Variants in DNER observed in about 807,000 individuals in gnomAD.
The protein encoded by DNER is delta/notch like EGF repeat containing.
Under a neutral mutation model 78.2 loss-of-function variants are expected in DNER, and 33 were observed. The ratio of observed to expected loss-of-function variants is 0.42; its 90% confidence interval spans 0.32 to 0.56. The LOEUF (loss-of-function observed/expected upper bound fraction) is 0.56, where lower values mean the gene tolerates loss of function less well. Ranked by LOEUF, DNER falls within the 20% of genes least tolerant of loss-of-function variation. The pLI, the probability that DNER is intolerant of heterozygous loss-of-function variation, is 0.11. For synonymous variants in DNER, 417 were observed against 384.8 expected (o/e 1.08, Z -0.98); for missense variants, 918 against 975.3 (o/e 0.94, Z 0.78).
rs1694102077 is a variant in DNER at position 229,435,414 on chromosome 2, C to CA, written c.1486+11901dup. 3.9e-5 allele frequency among the ~76,000 whole-genome samples: 6 copies of CA among 152,306 alleles called. No homozygotes were observed. The South Asian group carries it at 1.2e-3, about 32-fold the overall frequency. ...TGCCCAAATTATCAACCCACAGAAT[C>CA]ACAAACAATAAGTGGTTTTCTTAAG... On this transcript the variant is annotated intron_variant, in intron 8 of 12. Coordinates refer to ENST00000341772, the MANE Select transcript of DNER (RefSeq NM_139072.4).
intron 7 of DNER, among the ~76,000 whole-genome samples, chr2:229,470,565 T>G (rs1418533487): frequency 1.3e-5 from 2 of 151,944 alleles, no homozygotes; most frequent in Non-Finnish European, 2.9e-5. Context: ...AAAATAAAAT[T>G]TTGGAAGGGC....
chr2:229,426,789 A>G (rs971263896), intron 8 of DNER, among the ~76,000 whole-genome samples: 17 of 152,190 alleles, frequency 1.1e-4, no homozygotes, highest in Non-Finnish European at 2.2e-4. Flanking sequence ...TCTCGTTTAA[A>G]CGAACCTGCT....
At chr2:229,639,773 C>A (rs1698585663) in intron 1 of DNER, among the ~76,000 whole-genome samples, 1 of 152,074 alleles carries the variant, frequency 6.6e-6, no homozygotes, top group Non-Finnish European at 1.5e-5. Context: ...AGGACTGGGC[C>A]AGGAAGTCAA....
intron 1 of DNER, among the ~76,000 whole-genome samples, chr2:229,630,193 G>A (rs1276544267): frequency 1.3e-5 from 2 of 152,076 alleles, no homozygotes; most frequent in Non-Finnish European, 2.9e-5. Context: ...AAAACCTTCT[G>A]GGCCAGGAAT....
chr2:229,475,153 C>T (rs149770133), intron 7 of DNER, among the ~76,000 whole-genome samples: 24 of 152,340 alleles, frequency 1.6e-4, no homozygotes, highest in African/African-American at 5.5e-4. Flanking sequence ...AGGACATAGA[C>T]ACAATCATCA....
intron 8 of DNER, among the ~76,000 whole-genome samples, chr2:229,425,625 C>A (rs780850387): frequency 2.4e-4 from 36 of 152,178 alleles, no homozygotes; most frequent in Non-Finnish European, 4.3e-4. Context: ...AATCCAGGAC[C>A]CACCGGCTCT....
intron 6 of DNER, among the ~76,000 whole-genome samples, chr2:229,507,047 G>A (rs1466357620): frequency 1.3e-5 from 2 of 152,146 alleles, no homozygotes; most frequent in East Asian, 3.9e-4. Context: ...TGTACAGCAT[G>A]TTATTGTACT....
At chr2:229,533,601 C>A (rs1574889178) in intron 5 of DNER, among the ~76,000 whole-genome samples, 1 of 152,172 alleles carries the variant, frequency 6.6e-6, no homozygotes, top group Non-Finnish European at 1.5e-5. Context: ...GCGTACCAGG[C>A]CCTTCTGCTC....
chr2:229,450,118 G>A (rs751137759), intron 7 of DNER, among the ~76,000 whole-genome samples: 9 of 152,266 alleles, frequency 5.9e-5, no homozygotes, highest in Non-Finnish European at 1.2e-4. Context: ...GATTATTTTT[G>A]TTCCTCCAGA....
At chr2:229,511,642 TA>T (rs1257101659) in intron 6 of DNER, among the ~76,000 whole-genome samples, 16 of 152,282 alleles carry the variant, frequency 1.1e-4, no homozygotes, top group African/African-American at 3.4e-4. Context: ...ACAAGAAGAT[TA>T]GGTGGCTTTT....
In DNER at chr2:229,447,488, C is replaced by T. The variant is rs757911855; in HGVS notation, c.1314G>A (p.Pro438=). The T allele has an allele frequency of 1.4e-5, 22 of 1,614,006 alleles. No homozygotes were observed. The highest frequency in any genetic ancestry group is 2.7e-5 in the African/African-American group (2 of 74,916). ...EEKVDPCASS[P]CQNNGTCYVD... ...CATAGCAGGTGCCGTTGTTCTGGCA[C>T]GGAGACGAGGCGCAGGGGTCCACCT... The change falls in exon 8 of 13, where the codon CCG becomes CCA. Residue 438 remains proline (P), a synonymous_variant. Transcript: ENST00000341772.
At chr2:229,376,706 A>T (rs769023217) in intron 11 of DNER, among the ~76,000 whole-genome samples, 3 of 152,100 alleles carry the variant, frequency 2.0e-5, no homozygotes, top group Non-Finnish European at 4.4e-5. Context: ...TGTGTATAAA[A>T]CTCTCATTTG....
chr2:229,606,138 A>G (rs1413582296), intron 1 of DNER: 1 of 152,264 alleles, frequency 6.6e-6, no homozygotes, highest in Non-Finnish European at 1.5e-5. Flanking sequence ...ATTCACAACC[A>G]GAGAACTTAG....
chr2:229,677,988 G>T (rs1277249266), intron 1 of DNER, among the ~76,000 whole-genome samples: 2 of 152,158 alleles, frequency 1.3e-5, no homozygotes, highest in Non-Finnish European at 2.9e-5. Flanking sequence ...GGGGAAAGAA[G>T]TTTGTTGATC....
rs151060682 is a variant in DNER at position 229,506,131 on chromosome 2, C to T, written c.1147+6652G>A. Among the ~76,000 whole-genome samples the T allele has an allele frequency of 6.5e-3, 982 of 152,204 alleles. 5 individuals carry two copies. The highest frequency in any genetic ancestry group is 0.01 in the Non-Finnish European group (688 of 68,032). On this transcript the variant is annotated intron_variant, in intron 6 of 12. Transcript: ENST00000341772. ...GTTCTCATGCTGCTATGAAGAAATA[C>T]CCAAAACTGGGTAATTTATAAAGGA...
intron 12 of DNER, among the ~76,000 whole-genome samples, chr2:229,360,309 G>A (rs1447111330): frequency 2.0e-5 from 3 of 152,348 alleles, no homozygotes; most frequent in South Asian, 2.1e-4. Flanking sequence ...AGGATATAGA[G>A]AGCTTTGACT....
In DNER at chr2:229,447,297, G is replaced by T. The variant is rs757760094; in HGVS notation, c.1486+19C>A. ...GAGATTGAGAAAAGGAAGATGTACTGTGTAGGGGCGGTACCCACCTGGATC... is the reference window on the plus strand; with the variant it reads ...GAGATTGAGAAAAGGAAGATGTACTTTGTAGGGGCGGTACCCACCTGGATC... On this transcript the variant is annotated intron_variant, in intron 8 of 12. Transcript: ENST00000341772. 2 of 1,574,166 alleles carry T rather than the reference G, an allele frequency of 1.3e-6. No homozygotes were observed. The highest frequency in any genetic ancestry group is 1.7e-6 in the Non-Finnish European group (2 of 1,158,700).
chr2:229,488,296 G>A (rs187548272), intron 6 of DNER, among the ~76,000 whole-genome samples: 1 of 152,366 alleles, frequency 6.6e-6, no homozygotes, highest in Admixed American at 6.5e-5. Context: ...GCCAGTGTGT[G>A]TGGATGTGGA....
intron 11 of DNER, among the ~76,000 whole-genome samples, chr2:229,377,833 C>G (rs115260203): frequency 8.5e-5 from 13 of 152,152 alleles, no homozygotes; most frequent in African/African-American, 3.1e-4. Flanking sequence ...GTGGGTGGTA[C>G]GAAAGGCAGA....
Sources: allele counts gnomAD v4.1 joint callset (sites outside exome capture counted in the v4.1 genomes callset), GRCh38; gene constraint gnomAD v4.1.1; transcripts MANE v1.5; gene names NCBI Gene and HGNC (gene_info 2026-07-23, HGNC 2026-07-21).